The following VPS8 variants were observed in gnomAD, a reference collection of about 807,000 sequenced individuals.
The protein encoded by VPS8 is vacuolar protein sorting-associated protein 8 homolog.
In VPS8, 129 loss-of-function variants were observed where a neutral mutation model predicts 216.4. That is an observed-to-expected ratio of 0.60 (90% confidence interval 0.52 to 0.69). The LOEUF is 0.69. Among genes scored for constraint, VPS8 ranks in the 30% least tolerant of loss-of-function variants. VPS8 has a pLI of 0.00. For missense variants in VPS8, 1,531 were observed against 1,683.5 expected (o/e 0.91, Z 1.59); for synonymous variants, 571 against 565.4 (o/e 1.01, Z -0.14).
chr3:185,024,215 C>T lies in VPS8; in HGVS notation c.4003-121C>T, dbSNP rs1757043440. 3 of 907,086 alleles carry T rather than the reference C, an allele frequency of 3.3e-6. No individual in the cohort carries two copies. In the South Asian group the frequency reaches 6.0e-5, roughly 18 times the overall value. 56.2% of individuals were successfully genotyped at this position (907,086 alleles called of 1,614,324 possible). ...ACAAAATCTATTAATCTATTAATTTCCTCTGGAAATGTCTGTTTTATCTTA... is the reference window on the plus strand; with the variant it reads ...ACAAAATCTATTAATCTATTAATTTTCTCTGGAAATGTCTGTTTTATCTTA... On this transcript the variant is annotated intron_variant, in intron 45 of 47. Coordinates refer to ENST00000625842, the MANE Select transcript of VPS8 (RefSeq NM_001009921.3).
rs116037135 is a variant in VPS8, at chr3:185,044,537, G to A, written c.4057-3942G>A. Among the ~76,000 whole-genome samples, 843 of 152,090 alleles carry A rather than the reference G, an allele frequency of 5.5e-3. 5 individuals are homozygous for A. The highest frequency in any genetic ancestry group is 0.019 in the African/African-American group (788 of 41,480). Reference sequence around the variant, plus strand: ...CGCATCTGAGAAAACGTAAACCAGTGTTTTTCCCCTGTGCTGTGAACGGTC... The same window carrying A: ...CGCATCTGAGAAAACGTAAACCAGTATTTTTCCCCTGTGCTGTGAACGGTC... On this transcript the variant is annotated intron_variant, in intron 46 of 47. Transcript: ENST00000625842.
chr3:184,832,873 A>G, intron 4 of VPS8, 54 bp downstream of exon 4: 1 of 1,560,686 alleles, frequency 6.4e-7, no homozygotes, highest in South Asian at 1.2e-5. Context: ...CAATTGTTTC[A>G]AATGTAAATA....
chr3:185,008,246 A>G (rs115645853), intron 45 of VPS8, among the ~76,000 whole-genome samples: 1,657 of 152,248 alleles, frequency 0.011, 32 homozygotes, highest in African/African-American at 0.037. Context: ...CCATTTTCCA[A>G]TAATCTTGTT....
intron 21 of VPS8, among the ~76,000 whole-genome samples, chr3:184,881,065 G>A (rs942425661): frequency 1.1e-4 from 16 of 152,116 alleles, no homozygotes; most frequent in African/African-American, 3.6e-4. Flanking sequence ...GCACTAGTCC[G>A]TTATTGGACT....
At chr3:184,938,571 G>T (rs1321567237) in intron 35 of VPS8, among the ~76,000 whole-genome samples, 1 of 151,900 alleles carries the variant, frequency 6.6e-6, no homozygotes, top group African/African-American at 2.4e-5. Context: ...AATTTTGCCT[G>T]TGGTGGTGGC....
chr3:184,876,924 CTAAT>C (rs1233098504), intron 21 of VPS8, among the ~76,000 whole-genome samples: 1 of 152,094 alleles, frequency 6.6e-6, no homozygotes, highest in African/African-American at 2.4e-5. Flanking sequence ...TGATGCTTTC[CTAAT>C]TTTAAAATAT....
In VPS8 at chr3:184,894,983, CACTT is replaced by C. The variant is rs1342860056; in HGVS notation, c.2004+63_2004+66del. The C allele has an allele frequency of 3.6e-6, 5 of 1,397,308 alleles. No homozygotes were observed. In the African/African-American group the frequency reaches 7.2e-5, roughly 20 times the overall value. The allele number at this position is 1,397,308 out of a possible 1,614,324, so 86.6% of individuals were successfully genotyped here. ...ATAAACTTCATTCCTTTATTGATAACACTTACTTCACTGATCAGGCCTGACCCTG... is the reference window on the plus strand; with the variant it reads ...ATAAACTTCATTCCTTTATTGATAACACTTCACTGATCAGGCCTGACCCTG... On this transcript the variant is annotated intron_variant, in intron 23 of 47. Transcript: ENST00000625842.
intron 5 of VPS8, 68 bp downstream of exon 5, chr3:184,834,810 A>G (rs1467205410): frequency 1.6e-6 from 2 of 1,249,524 alleles, no homozygotes; most frequent in South Asian, 1.4e-5. Flanking sequence ...GAATGAGCAT[A>G]GAACAAAATA....
chr3:184,853,964 A>G lies in VPS8; in HGVS notation c.929A>G (p.His310Arg). 2 of 1,613,736 alleles carry G rather than the reference A, an allele frequency of 1.2e-6. No individual in the cohort carries two copies. The highest frequency in any genetic ancestry group is 2.2e-5 in the South Asian group (2 of 91,040). Reference protein sequence around the residue: ...PLHSKPELKDHPITQFSLLAM... With the variant: ...PLHSKPELKDRPITQFSLLAM... ...CATTCTAAGCCTGAGTTGAAAGATC[A>G]TCCCATCACACAGTTTTCATTATTG... The change falls in exon 12 of 48, where the codon CAT becomes CGT. Residue 310 changes from histidine to arginine, a missense_variant. Around this residue, in one of 3 missense-constraint regions of VPS8, gnomAD observed 1,318 missense variants for 1,468.4 expected, o/e 0.90. Coordinates refer to ENST00000625842, the MANE Select transcript of VPS8 (RefSeq NM_001009921.3).
At chr3:184,884,240 A>G (rs1299777968) in intron 21 of VPS8, among the ~76,000 whole-genome samples, 1 of 151,894 alleles carries the variant, frequency 6.6e-6, no homozygotes, top group Admixed American at 6.6e-5. Flanking sequence ...ACCCGCCGAC[A>G]GACCCTGGTG....
At chr3:184,921,475 C>G (rs554309581) in intron 29 of VPS8, among the ~76,000 whole-genome samples, 2 of 152,344 alleles carry the variant, frequency 1.3e-5, no homozygotes, top group African/African-American at 4.8e-5. Context: ...ATTCTGCTTA[C>G]ACCGTGTAAG....
intron 22 of VPS8, among the ~76,000 whole-genome samples, chr3:184,887,166 G>C (rs1371628130): frequency 6.6e-6 from 1 of 152,048 alleles, no homozygotes; most frequent in Non-Finnish European, 1.5e-5. Flanking sequence ...AATATAGGGA[G>C]ACCTTGTCTC....
At chr3:185,014,183 C>T (rs1486641271) in intron 45 of VPS8, among the ~76,000 whole-genome samples, 1 of 152,186 alleles carries the variant, frequency 6.6e-6, no homozygotes, top group Admixed American at 6.5e-5. Context: ...ATGGTAATCA[C>T]CACTATCATA....
In VPS8 at chr3:185,048,484, C is replaced by T. The variant is rs116050607; in HGVS notation, c.4062C>T (p.Thr1354=). Residue 1354 remains threonine, a synonymous_variant, in exon 47 of 48, where the codon ACC becomes ACT. Transcript: ENST00000625842. ...SKGDPTAKKG[T]SEPVLDPQQI... is the part of the protein sequence containing the mutation. ...TATCGGTTTTTATTTTTCAGGGAAC[C>T]TCAGAACCTGTTCTGGATCCACAGC... The T allele has an allele frequency of 2.3e-4, 365 of 1,614,012 alleles. No individual in the cohort carries two copies. In the African/African-American group the frequency reaches 4.5e-3, roughly 20 times the overall value.
At chr3:185,032,752 G>C (rs377104838) in intron 46 of VPS8, among the ~76,000 whole-genome samples, 1 of 151,734 alleles carries the variant, frequency 6.6e-6, no homozygotes, top group African/African-American at 2.4e-5. Context: ...TGCAAGCTCC[G>C]CCTCCCGGGT....
intron 29 of VPS8, among the ~76,000 whole-genome samples, chr3:184,921,008 T>C (rs531192297): frequency 2.6e-5 from 4 of 152,176 alleles, no homozygotes; most frequent in Non-Finnish European, 5.9e-5. Flanking sequence ...ATTATGAAAA[T>C]AGGATTGCTG....
intron 46 of VPS8, among the ~76,000 whole-genome samples, chr3:185,036,980 G>T (rs945458548): frequency 6.0e-5 from 9 of 150,670 alleles, no homozygotes; most frequent in African/African-American, 2.2e-4. Context: ...TTATATGACT[G>T]CTTTTTAAAA....
chr3:184,945,782 A>G (rs780280408), intron 36 of VPS8, among the ~76,000 whole-genome samples: 1 of 152,186 alleles, frequency 6.6e-6, no homozygotes, highest in Non-Finnish European at 1.5e-5. Context: ...AGCTAGCCAC[A>G]TGGGAGGTCT....
intron 47 of VPS8, 26 bp from the exon 48 acceptor site, chr3:185,051,850 A>G: frequency 1.9e-6 from 3 of 1,565,660 alleles, no homozygotes; most frequent in Non-Finnish European, 2.6e-6. Context: ...CACAAACCTT[A>G]GCTGATGTGT....
Sources: gnomAD v4.1 joint callset for allele counts (sites outside exome capture counted in the v4.1 genomes callset) on GRCh38, gnomAD v4.1.1 for gene constraint, gnomAD v4.1.1 regional missense constraint, MANE v1.5 for transcripts, NCBI Gene and HGNC (gene_info 2026-07-23, HGNC 2026-07-21) for gene names.